Variants in NHSL1 observed in about 807,000 individuals in gnomAD.
NHSL1 encodes the protein NHS-like protein 1.
Under a neutral mutation model 95.0 loss-of-function variants are expected in NHSL1, and 48 were observed. The ratio of observed to expected loss-of-function variants is 0.51; its 90% CI spans 0.40 to 0.64. The LOEUF (loss-of-function observed/expected upper bound fraction) is 0.64. NHSL1 is among the 30% of genes least tolerant of loss of function. NHSL1 has a pLI of 0.00. For synonymous variants in NHSL1, 783 were observed against 833.9 expected, an observed-to-expected ratio of 0.94 and a Z score of 1.05; for missense variants, 1,971 against 2,077.7, an observed-to-expected ratio of 0.95 and a Z score of 1.00.
At chr6:138,690,078 G>A (rs1785642707) in intron 1 of NHSL1, among the ~76,000 whole-genome samples, 1 of 152,208 alleles carries the variant, frequency 6.6e-6, no homozygotes, top group Non-Finnish European at 1.5e-5. Flanking sequence ...CAATGCTGTT[G>A]GACTGGATTT....
At chr6:138,691,937 C>G (rs1785678489) in intron 1 of NHSL1, 1 of 456,732 alleles carries the variant, frequency 2.2e-6, no homozygotes, top group Non-Finnish European at 4.4e-6. Context: ...CCCTTAAAGT[C>G]TGCATAGTTT....
chr6:138,462,320 G>A (rs1778051966), intron 3 of NHSL1, among the ~76,000 whole-genome samples: 1 of 152,158 alleles, frequency 6.6e-6, no homozygotes, highest in Non-Finnish European at 1.5e-5. Flanking sequence ...TATGCAATGA[G>A]GGGAGGATCT....
At chr6:138,444,401 G>C (rs1208709956) in intron 4 of NHSL1, among the ~76,000 whole-genome samples, 5 of 152,114 alleles carry the variant, frequency 3.3e-5, no homozygotes, top group Non-Finnish European at 7.3e-5. Flanking sequence ...CCACATAGCA[G>C]ATGATAGAAG....
At chr6:138,496,132 A>G in intron 2 of NHSL1, 87 bp downstream of exon 2, 1 of 1,341,480 alleles carries the variant, frequency 7.5e-7, no homozygotes, top group South Asian at 1.3e-5. Flanking sequence ...CAATAAAAGT[A>G]GAGCTGGTTT....
chr6:138,564,856 A>G (rs1408477296), intron 1 of NHSL1, among the ~76,000 whole-genome samples: 1 of 152,150 alleles, frequency 6.6e-6, no homozygotes. Flanking sequence ...TTTTAAAGCG[A>G]GTCTAGAAGG....
intron 3 of NHSL1, among the ~76,000 whole-genome samples, chr6:138,449,118 A>G (rs1335304883): frequency 6.6e-6 from 1 of 152,002 alleles, no homozygotes; most frequent in Non-Finnish European, 1.5e-5. Flanking sequence ...CTGCTACTGC[A>G]TTCATCTTGC....
At chr6:138,658,415 A>T (rs1382274037) in intron 1 of NHSL1, among the ~76,000 whole-genome samples, 1 of 152,196 alleles carries the variant, frequency 6.6e-6, no homozygotes, top group Admixed American at 6.5e-5. Flanking sequence ...CTTTTTAAAA[A>T]TTCCACTTAT....
At chr6:138,452,465 T>C (rs1352834212) in intron 3 of NHSL1, among the ~76,000 whole-genome samples, 2 of 152,016 alleles carry the variant, frequency 1.3e-5, no homozygotes, top group African/African-American at 2.4e-5. Flanking sequence ...TTTTGATTTG[T>C]TAGTAAAAGT....
intron 1 of NHSL1, among the ~76,000 whole-genome samples, chr6:138,591,832 T>A (rs917345943): frequency 6.6e-6 from 1 of 152,176 alleles, no homozygotes; most frequent in South Asian, 2.1e-4. Flanking sequence ...ATCATCCTTC[T>A]GTGCAGCGGA....
In NHSL1 at chr6:138,432,838, G is replaced by A; in HGVS notation, c.1507C>T (p.Leu503=). The change falls in exon 6 of 8, where the codon CTA becomes TTA. Residue 503 remains leucine (L), a synonymous_variant. Coordinates refer to ENST00000343505, the MANE Select transcript of NHSL1 (RefSeq NM_001144060.2). The surrounding 1 kb of genome is among the most constrained non-coding windows in gnomAD (Gnocchi z 4.4). ...TTCTCCCTATTTGCTGGAGCATTTA[G>A]AGGGACGGCTGAGTCACAGAGGGAC... is the stretch of plus-strand genomic sequence containing the variant. ...LLSLCDSAVP[L]NAPANRENGS... is the part of the protein sequence containing the mutation. The A allele has an allele frequency of 6.4e-7, 1 of 1,551,626 alleles. No homozygotes were observed. Among genetic ancestry groups the A allele is most frequent in the South Asian group, 1.2e-5 (1 of 84,062 alleles).
At chr6:138,615,673 G>A (rs748444647) in intron 1 of NHSL1, among the ~76,000 whole-genome samples, 2 of 152,224 alleles carry the variant, frequency 1.3e-5, no homozygotes, top group East Asian at 1.9e-4. Context: ...GGGTGTCCCC[G>A]TGTTAGCCAG....
chr6:138,537,678 C>G (rs1412922878), intron 1 of NHSL1, among the ~76,000 whole-genome samples: 1 of 152,128 alleles, frequency 6.6e-6, no homozygotes, highest in Non-Finnish European at 1.5e-5. Context: ...ATATGATTAA[C>G]GGATAGAGTT....
At chr6:138,660,652 GA>G (rs372767150) in intron 1 of NHSL1, among the ~76,000 whole-genome samples, 16 of 146,372 alleles carry the variant, frequency 1.1e-4, no homozygotes, top group African/African-American at 2.8e-4. Context: ...AAAAAAAAAA[GA>G]AAAAAAAAAT....
At chr6:138,449,372 GAC>G (rs753616373) in intron 3 of NHSL1, among the ~76,000 whole-genome samples, 1 of 151,996 alleles carries the variant, frequency 6.6e-6, no homozygotes, top group Non-Finnish European at 1.5e-5. Flanking sequence ...AAGTGTCTAT[GAC>G]TGTTAAATAT....
rs116890830 is a variant in NHSL1 at position 138,599,507 on chromosome 6, G to A, written c.96+92969C>T. On this transcript the variant is annotated intron_variant, in intron 1 of 3. Coordinates refer to the NHSL1 transcript ENST00000491526. Reference sequence around the variant, plus strand: ...AGCCTGGGGAACACAGCAAGTCTCCGTCTCAAAAAAAAACAGAAAGATTTA... The same window carrying A: ...AGCCTGGGGAACACAGCAAGTCTCCATCTCAAAAAAAAACAGAAAGATTTA... Among the ~76,000 whole-genome samples the A allele has an allele frequency of 8.3e-3, 1,252 of 150,990 alleles. 11 individuals carry two copies. The highest frequency in any genetic ancestry group is 0.014 in the Non-Finnish European group (972 of 67,596).
intron 7 of NHSL1, among the ~76,000 whole-genome samples, chr6:138,427,067 C>T (rs1368964585): frequency 6.6e-6 from 1 of 152,220 alleles, no homozygotes; most frequent in Admixed American, 6.5e-5. Context: ...ATGGTCTACT[C>T]CCCAAAGCAG....
At chr6:138,489,953 GGAGAGA>G (rs1779971228) in intron 2 of NHSL1, among the ~76,000 whole-genome samples, 1 of 48,608 alleles carries the variant, frequency 2.1e-5, no homozygotes, top group African/African-American at 1.1e-4. Flanking sequence ...AGGGAGAGAA[GGAGAGA>G]GGGAGAGGGG....
intron 1 of NHSL1, among the ~76,000 whole-genome samples, chr6:138,569,317 G>A (rs139327856): frequency 9.9e-5 from 15 of 152,184 alleles, no homozygotes; most frequent in Middle Eastern, 3.4e-3. Flanking sequence ...GAGAGAGAGC[G>A]AGAGAGTGGG....
chr6:138,553,968 T>C (rs1191271976), intron 1 of NHSL1, among the ~76,000 whole-genome samples: 1 of 152,166 alleles, frequency 6.6e-6, no homozygotes, highest in African/African-American at 2.4e-5. Context: ...AAGAAAAATA[T>C]TTTCTGGAAA....
Sources: gnomAD v4.1 joint callset for allele counts (sites outside exome capture counted in the v4.1 genomes callset) on GRCh38, gnomAD v4.1.1 for gene constraint, Gnocchi (gnomAD v3.1) non-coding constraint, MANE v1.5 for transcripts, NCBI Gene and HGNC (gene_info 2026-07-23, HGNC 2026-07-21) for gene names.